Variants in PTBP1 observed in about 807,000 individuals in gnomAD.
PTBP1 encodes polypyrimidine tract binding protein 1.
Under a neutral mutation model 59.8 loss-of-function variants are expected in PTBP1, and 8 were observed. That is an observed-to-expected ratio of 0.13 (90% CI 0.08 to 0.24). The LOEUF is 0.24. Among genes scored for constraint, PTBP1 ranks in the 10% least tolerant of loss-of-function variants. PTBP1 has a pLI of 1.00. For synonymous variants in PTBP1, 490 were observed against 320.7 expected, an observed-to-expected ratio of 1.53 and a Z score of -5.64; for missense variants, 686 against 767.0, an observed-to-expected ratio of 0.89 and a Z score of 1.25.
intron 9 of PTBP1, chr19:805,794 G>C: frequency 1.8e-6 from 1 of 568,520 alleles, no homozygotes. Context: ...GCCAGAAGCC[G>C]CTAATCGCAC....
chr19:797,765 G>A (rs1289255943), intron 1 of PTBP1, among the ~76,000 whole-genome samples: 4 of 144,706 alleles, frequency 2.8e-5, no homozygotes, highest in Admixed American at 6.8e-5. Context: ...GGCCTCCCGC[G>A]CCCCTCCCCC....
chr19:812,144 G>A lies in PTBP1; in HGVS notation c.*1318G>A, dbSNP rs1393722752. On this transcript the variant is annotated 3_prime_UTR_variant, in exon 15 of 15. Transcript: ENST00000356948. ...AGTATTGTGACCGCGGAGCCACAGG[G>A]GACCCCACGCACATTCCGTTGCCTT... is the stretch of plus-strand genomic sequence containing the variant. 4.6e-5 allele frequency: 7 copies of A among 152,526 alleles called. No homozygotes were observed. Among genetic ancestry groups the A allele is most frequent in the African/African-American group, 1.7e-4 (7 of 41,568 alleles). The allele number at this position is 152,526 out of a possible 1,614,324, so 9.4% of individuals were successfully genotyped here.
Position 805,199 on chromosome 19 carries a change from C to T in PTBP1, c.892+12C>T. On this transcript the variant is annotated intron_variant, in intron 8 of 14. Coordinates refer to ENST00000356948, the MANE Select transcript of PTBP1 (RefSeq NM_002819.5). ...GGCCGCGGCCTTCGGTAAGAGGCTG[C>T]CCGACGCGGCGCCAGTGTGCAGAGT... 1 of 1,612,122 alleles carries T rather than the reference C, an allele frequency of 6.2e-7. No homozygotes were observed. The highest frequency in any genetic ancestry group is 1.7e-5 in the Admixed American group (1 of 59,970).
At chr19:797,885 G>T (rs150216113) in intron 1 of PTBP1, among the ~76,000 whole-genome samples, 1,711 of 148,628 alleles carry the variant, frequency 0.012, 36 homozygotes, top group African/African-American at 0.04. Flanking sequence ...CCTCCCGTCC[G>T]CTCCCCTCGT....
chr19:799,407 C>T lies in PTBP1; in HGVS notation c.9-6C>T. The stretch of plus-strand genomic sequence containing the variant: ...CTAACGTTGTCTCCTTTCTTTCTCT[C>T]TACAGCATTGTCCCAGATATAGCCG... On this transcript the variant is annotated splice_polypyrimidine_tract_variant and splice_region_variant and intron_variant, in intron 1 of 14. Transcript: ENST00000356948. 2 of 1,613,850 alleles carry T rather than the reference C, an allele frequency of 1.2e-6. No individual in the cohort carries two copies. The highest frequency in any genetic ancestry group is 1.7e-6 in the Non-Finnish European group (2 of 1,179,846).
At chr19:807,741 C>A in intron 10 of PTBP1, 128 bp from the exon 11 acceptor site, 2 of 711,010 alleles carry the variant, frequency 2.8e-6, no homozygotes, top group South Asian at 1.7e-5. Context: ...ATCCTGACAA[C>A]TTCATCATCC....
chr19:802,227 G>C (rs534090276), intron 2 of PTBP1, among the ~76,000 whole-genome samples: 149 of 152,318 alleles, frequency 9.8e-4, no homozygotes, highest in Middle Eastern at 6.8e-3. Context: ...TGCCGTCCGC[G>C]TCGGGAGGAG....
chr19:797,466 A>C lies in PTBP1; in HGVS notation c.-32A>C, dbSNP rs753578445. 157 of 1,595,654 alleles carry C rather than the reference A, an allele frequency of 9.8e-5. No homozygotes were observed. The highest frequency in any genetic ancestry group is 6.0e-4 in the South Asian group (54 of 89,882). On this transcript the variant is annotated 5_prime_UTR_variant, in exon 1 of 15. Transcript: ENST00000356948. The stretch of plus-strand genomic sequence containing the variant: ...CGGTTCCTGCTATTCCGGCGCCTCC[A>C]CTCCGTCCCCCGCGGGTCTGCTCTG...
chr19:806,548 A>G lies in PTBP1; in HGVS notation c.1111A>G (p.Asn371Asp). ...TTCTGTATTGCTGGTCAGCAACCTC[A>G]ACCCAGAGGTACGTGGGCTTTTCCT... ...GNSVLLVSNL[N>D]PERVTPQSLF... The change falls in exon 10 of 15, where the codon AAC (asparagine) becomes GAC (aspartate). Residue 371 changes from asparagine (N) to aspartate (D), a missense_variant. Coordinates refer to ENST00000356948, the MANE Select transcript of PTBP1 (RefSeq NM_002819.5). 1 of 1,517,574 alleles carries G rather than the reference A, an allele frequency of 6.6e-7. No individual in the cohort carries two copies. The highest frequency in any genetic ancestry group is 8.8e-7 in the Non-Finnish European group (1 of 1,132,964). 94.0% of individuals were successfully genotyped at this position (1,517,574 alleles called of 1,614,324 possible).
At chr19:801,491 C>CG (rs1180468963) in intron 2 of PTBP1, among the ~76,000 whole-genome samples, 1 of 152,252 alleles carries the variant, frequency 6.6e-6, no homozygotes. Context: ...TCAGAGGAAG[C>CG]GGCCCCGCCC....
At position 811,399 on chromosome 19, in the gene PTBP1, G is replaced by C. The variant is rs1474089334; in HGVS notation, c.*573G>C. 1 of 152,516 alleles carries C rather than the reference G, an allele frequency of 6.6e-6. No homozygotes were observed. The highest frequency in any genetic ancestry group is 1.9e-4 in the East Asian group (1 of 5,204). The allele number at this position is 152,516 out of a possible 1,614,324, so 9.4% of individuals were successfully genotyped here. On this transcript the variant is annotated 3_prime_UTR_variant, in exon 15 of 15. Coordinates refer to ENST00000356948, the MANE Select transcript of PTBP1 (RefSeq NM_002819.5). ...TCTGCCCCCAGGCGGGCTCCCCGCT[G>C]CTCCAGCTGCGGAGCTGGTCGACAT...
intron 1 of PTBP1, chr19:799,212 C>T (rs8111557): frequency 1.3e-5 from 9 of 669,228 alleles, no homozygotes; most frequent in Non-Finnish European, 1.6e-5. Context: ...ATGGTGGCCC[C>T]TTTTCAAGTT....
chr19:805,381 G>C lies in PTBP1; in HGVS notation c.893-111G>C, dbSNP rs563207234. ...CCCCTGGAGCAGCGGATCTGCCCGCGAAGGCTCTGCCGGGGCCGCCCGCCG... is the reference window on the plus strand; with the variant it reads ...CCCCTGGAGCAGCGGATCTGCCCGCCAAGGCTCTGCCGGGGCCGCCCGCCG... On this transcript the variant is annotated intron_variant, in intron 8 of 14. Transcript: ENST00000356948. 4 of 1,254,176 alleles carry C rather than the reference G, an allele frequency of 3.2e-6. No homozygotes were observed. In the African/African-American group the frequency reaches 4.5e-5, roughly 14 times the overall value. The allele number at this position is 1,254,176 out of a possible 1,614,324, so 77.7% of individuals were successfully genotyped here.
intron 1 of PTBP1, chr19:798,505 C>T (rs1019216981): frequency 1.3e-5 from 2 of 152,334 alleles, no homozygotes; most frequent in African/African-American, 4.8e-5. Flanking sequence ...AGAGGCGCAG[C>T]CCTAGAGTGG....
chr19:797,715 C>A (rs1261581469), intron 1 of PTBP1, among the ~76,000 whole-genome samples: 1 of 148,916 alleles, frequency 6.7e-6, no homozygotes. Flanking sequence ...CCCCGTCCGG[C>A]CCGCTTCCGG....
intron 2 of PTBP1, among the ~76,000 whole-genome samples, chr19:802,027 C>T (rs1390844797): frequency 6.6e-6 from 1 of 152,146 alleles, no homozygotes; most frequent in Non-Finnish European, 1.5e-5. Flanking sequence ...TTTGGGTGGG[C>T]GCCGGGCCTG....
intron 13 of PTBP1, among the ~76,000 whole-genome samples, chr19:809,801 G>A (rs1411090972): frequency 6.6e-6 from 1 of 152,206 alleles, no homozygotes; most frequent in Non-Finnish European, 1.5e-5. Context: ...TTGGGAGGTT[G>A]AGGTGGGAGG....
chr19:800,777 G>T (rs1180707967), intron 2 of PTBP1, among the ~76,000 whole-genome samples: 1 of 152,206 alleles, frequency 6.6e-6, no homozygotes, highest in Non-Finnish European at 1.5e-5. Flanking sequence ...CTTGCAGGCA[G>T]TCGTCTCTTC....
Position 808,435 on chromosome 19 carries a change from G to C in PTBP1, c.1229G>C (p.Gly410Ala), listed in dbSNP as rs1384548299. 1.2e-6 allele frequency: 2 copies of C among 1,605,018 alleles called. No individual in the cohort carries two copies. Among genetic ancestry groups the C allele is most frequent in the South Asian group, 2.2e-5 (2 of 89,950 alleles). ...AACGCCCTAGTGCAGATGGCGGACG[G>C]CAACCAGGCCCAGCTGGGTAAGAGG... ...KENALVQMADGNQAQLAMSHL... is the reference protein window; with the variant it reads ...KENALVQMADANQAQLAMSHL... Residue 410 changes from glycine to alanine, a missense_variant, in exon 12 of 15, where the codon GGC becomes GCC. Coordinates refer to ENST00000356948, the MANE Select transcript of PTBP1 (RefSeq NM_002819.5). This position sits in a 1 kb window ranked among gnomAD's most constrained non-coding sequence, Gnocchi z 4.7.
Sources: gnomAD v4.1 joint callset for allele counts (sites outside exome capture counted in the v4.1 genomes callset) on GRCh38, gnomAD v4.1.1 for gene constraint, Gnocchi (gnomAD v3.1) non-coding constraint, MANE v1.5 for transcripts, NCBI Gene and HGNC (gene_info 2026-07-23, HGNC 2026-07-21) for gene names.